FAM167A: variants seen among roughly 807,000 people sequenced by gnomAD.
FAM167A encodes protein FAM167A.
FAM167A carries 23 observed loss-of-function variants against 14.9 expected under a neutral mutation model. That is an observed-to-expected ratio of 1.55 (90% CI 1.11 to 2.19). The LOEUF (loss-of-function observed/expected upper bound fraction) is 2.19, where lower values mean the gene tolerates loss of function less well. Ranked by LOEUF, FAM167A falls within the 30% of genes most tolerant of loss-of-function variation. FAM167A has a pLI of 0.00. For missense variants in FAM167A, 401 were observed against 281.5 expected (o/e 1.42, Z -3.04); for synonymous variants, 174 against 117.7 (o/e 1.48, Z -3.10).
chr8:11,435,035 C>CT (rs1805911463), intron 2 of FAM167A: 1 of 456,770 alleles, frequency 2.2e-6, no homozygotes, highest in Non-Finnish European at 4.4e-6. Flanking sequence ...GCCTCCCCCC[C>CT]TCACTCAATC....
In FAM167A at chr8:11,444,361, C is replaced by T. The variant is rs768290619; in HGVS notation, c.51G>A (p.Ala17=). ...HVEEVGAEEG[A]GAAAPPDDHL... Reference sequence around the variant, plus strand: ...GGTCATCGGGTGGTGCGGCTGCTCCCGCCCCCTCTTCTGCACCCACTTCTT... The same window carrying T: ...GGTCATCGGGTGGTGCGGCTGCTCCTGCCCCCTCTTCTGCACCCACTTCTT... Residue 17 remains alanine, a synonymous_variant, in exon 2 of 3, where the codon GCG becomes GCA. Coordinates refer to ENST00000284486, the MANE Select transcript of FAM167A (RefSeq NM_053279.3). The T allele has an allele frequency of 2.5e-5, 40 of 1,593,516 alleles. 1 individual carries two copies. The South Asian group carries it at 3.1e-4, about 12-fold the overall frequency.
intron 2 of FAM167A, among the ~76,000 whole-genome samples, chr8:11,436,786 C>T (rs1012164981): frequency 6.6e-6 from 1 of 152,216 alleles, no homozygotes; most frequent in Non-Finnish European, 1.5e-5. Context: ...GGTTCTCTAT[C>T]CCCTGCTTTG....
At chr8:11,448,061 G>A (rs758926637) in intron 1 of FAM167A, among the ~76,000 whole-genome samples, 19 of 152,280 alleles carry the variant, frequency 1.2e-4, no homozygotes, top group South Asian at 8.3e-4. Flanking sequence ...GGGCGTAGTG[G>A]CGCACGCCTG....
At chr8:11,448,064 C>T (rs929853122) in intron 1 of FAM167A, among the ~76,000 whole-genome samples, 26 of 152,130 alleles carry the variant, frequency 1.7e-4, no homozygotes, top group African/African-American at 6.3e-4. Context: ...CGTAGTGGCG[C>T]ACGCCTGTAA....
At chr8:11,461,775 G>T (rs1009701914) in intron 1 of FAM167A, among the ~76,000 whole-genome samples, 25 of 152,218 alleles carry the variant, frequency 1.6e-4, no homozygotes, top group African/African-American at 5.1e-4. Context: ...GCTCAAGGGG[G>T]GATTTGTCCA....
chr8:11,472,602 C>G (rs79728473), intron 1 of FAM167A, among the ~76,000 whole-genome samples: 4,834 of 152,058 alleles, frequency 0.032, 246 homozygotes, highest in African/African-American at 0.1. Flanking sequence ...CAACAGAAGA[C>G]CGGAAACCCT....
intron 1 of FAM167A, among the ~76,000 whole-genome samples, chr8:11,474,413 C>T (rs553341777): frequency 3.3e-5 from 5 of 152,310 alleles, no homozygotes; most frequent in Admixed American, 6.5e-5. Context: ...AAACATGCCC[C>T]GTGGTTCAGC....
chr8:11,439,158 TTC>T (rs988155747), intron 2 of FAM167A, among the ~76,000 whole-genome samples: 7 of 152,224 alleles, frequency 4.6e-5, no homozygotes, highest in African/African-American at 1.7e-4. Flanking sequence ...GCTTTAAACT[TTC>T]TGTCCCTCAG....
At chr8:11,424,773 T>G in intron 2 of FAM167A, 137 bp from the exon 3 acceptor site, 13 of 1,283,266 alleles carry the variant, frequency 1.0e-5, no homozygotes, top group African/African-American at 1.5e-5. Context: ...CTTTCCCTGC[T>G]CAGGGAGGTG....
At chr8:11,445,392 G>A in intron 1 of FAM167A, 5 of 985,704 alleles carry the variant, frequency 5.1e-6, no homozygotes, top group Non-Finnish European at 6.0e-6. Context: ...TACGCTCCTA[G>A]CTTCTTCCTC....
Position 11,424,084 on chromosome 8 carries a change from G to A in FAM167A, c.*289C>T. ...AGGAAACAGGAACGTGACCGTGGAG[G>A]GATGGATTATGGTGGGAACCCAGGT... On this transcript the variant is annotated 3_prime_UTR_variant, in exon 3 of 3. Transcript: ENST00000284486. 2.7e-6 allele frequency: 1 copy of A among 370,452 alleles called. No homozygotes were observed. The highest frequency in any genetic ancestry group is 2.0e-5 in the African/African-American group (1 of 49,742). 22.9% of individuals were successfully genotyped at this position (370,452 alleles called of 1,614,324 possible).
chr8:11,461,382 G>A (rs759330982), intron 1 of FAM167A, among the ~76,000 whole-genome samples: 12 of 152,276 alleles, frequency 7.9e-5, no homozygotes, highest in Non-Finnish European at 1.3e-4. Flanking sequence ...ACGGGCTAAG[G>A]CAGCCTGCTG....
At chr8:11,467,270 G>T (rs924037727), upstream of FAM167A, among the ~76,000 whole-genome samples, 1 of 152,288 alleles carries the variant, frequency 6.6e-6, no homozygotes, top group Non-Finnish European at 1.5e-5. Flanking sequence ...GCGAGCGTTT[G>T]CCCCACTAAC....
In FAM167A at chr8:11,473,234, A is replaced by G. The variant is rs78607118; in HGVS notation, c.-398+2632T>C. ...TTTCATCTCCATCGGCCAATCCCTG[A>G]TGATACCTTGAGAAACCAAGGTGCA... On this transcript the variant is annotated intron_variant, in intron 1 of 1. Coordinates refer to the FAM167A transcript ENST00000648766. Among the ~76,000 whole-genome samples, 318 of 152,312 alleles carry G rather than the reference A, an allele frequency of 2.1e-3. 1 individual carries two copies. The highest frequency in any genetic ancestry group is 3.4e-3 in the Middle Eastern group (1 of 294).
At chr8:11,428,227 A>G (rs560432340) in intron 2 of FAM167A, among the ~76,000 whole-genome samples, 1 of 152,208 alleles carries the variant, frequency 6.6e-6, no homozygotes, top group Non-Finnish European at 1.5e-5. Context: ...TGTGAGACGC[A>G]GGCTGTGGCG....
At chr8:11,433,289 A>C (rs1180847169) in intron 2 of FAM167A, among the ~76,000 whole-genome samples, 1 of 152,196 alleles carries the variant, frequency 6.6e-6, no homozygotes, top group Non-Finnish European at 1.5e-5. Flanking sequence ...TGTTACCTTT[A>C]ACCTACCATG....
At chr8:11,425,786 ATAGC>A (rs1805098935) in intron 2 of FAM167A, among the ~76,000 whole-genome samples, 1 of 132,600 alleles carries the variant, frequency 7.5e-6, no homozygotes, top group African/African-American at 2.7e-5. Flanking sequence ...TGCCTCTGGT[ATAGC>A]GTCACATAAC....
In FAM167A at chr8:11,424,215, G is replaced by A. The variant is rs1804965582; in HGVS notation, c.*158C>T. 12 of 856,554 alleles carry A rather than the reference G, an allele frequency of 1.4e-5. No homozygotes were observed. In the South Asian group the frequency reaches 2.1e-4, roughly 15 times the overall value. 53.1% of individuals were successfully genotyped at this position (856,554 alleles called of 1,614,324 possible). On this transcript the variant is annotated 3_prime_UTR_variant, in exon 3 of 3. Coordinates refer to ENST00000284486, the MANE Select transcript of FAM167A (RefSeq NM_053279.3). ...CATCCACACCCAGGGCCCCTGGGTG[G>A]GAGAGCACCACTGAATAGGTCCTGG... is the stretch of plus-strand genomic sequence containing the variant.
At chr8:11,433,205 A>T (rs75219282) in intron 2 of FAM167A, among the ~76,000 whole-genome samples, 4 of 100,956 alleles carry the variant, frequency 4.0e-5, no homozygotes, top group Admixed American at 8.6e-5. Context: ...AAAGTATGAT[A>T]AAAAAAAATA....
Sources: gnomAD v4.1 joint callset for allele counts (sites outside exome capture counted in the v4.1 genomes callset) on GRCh38, gnomAD v4.1.1 for gene constraint, MANE v1.5 for transcripts, NCBI Gene and HGNC (gene_info 2026-07-23, HGNC 2026-07-21) for gene names.